The following SCAPER variants were observed in gnomAD, a reference collection of about 807,000 sequenced individuals.
The protein encoded by SCAPER is S phase cyclin A-associated protein in the endoplasmic reticulum.
A neutral mutation model predicts 182.2 loss-of-function variants in SCAPER; 98 were observed. The ratio of observed to expected loss-of-function variants is 0.54; its 90% confidence interval spans 0.46 to 0.64. The LOEUF (loss-of-function observed/expected upper bound fraction) is 0.64. Among genes scored for constraint, SCAPER ranks in the 30% least tolerant of loss-of-function variants. The probability of loss-of-function intolerance (pLI) is 0.00; values close to 1 mark genes in which losing one functional copy is unlikely to be tolerated. For missense variants in SCAPER, 1,432 were observed against 1,690.0 expected (o/e 0.85, Z 2.68); for synonymous variants, 605 against 564.6 (o/e 1.07, Z -1.01).
At position 76,603,029 on chromosome 15, in the gene SCAPER, TTTAC is replaced by T. The variant is rs2050042248; in HGVS notation, c.2711+18731_2711+18734del. On this transcript the variant is annotated intron_variant, in intron 22 of 31. Transcript: ENST00000563290. ...CAATAGTTTTTATTTTATTTATTTA[TTTAC>T]TTAATTTTATTATTATTATACTTTA... is the stretch of plus-strand genomic sequence containing the variant. Among the ~76,000 whole-genome samples, 2 of 116,638 alleles carry T rather than the reference TTTAC, an allele frequency of 1.7e-5. 1 individual carries two copies. Among genetic ancestry groups the T allele is most frequent in the Non-Finnish European group, 4.1e-5 (2 of 48,314 alleles). 76.5% of individuals were successfully genotyped at this position (116,638 alleles called of 152,430 possible).
At chr15:76,569,933 A>G (rs2047318833) in intron 23 of SCAPER, among the ~76,000 whole-genome samples, 1 of 152,128 alleles carries the variant, frequency 6.6e-6, no homozygotes, top group Admixed American at 6.6e-5. Context: ...ATAGTTCTGG[A>G]GCATCTGTAG....
intron 20 of SCAPER, among the ~76,000 whole-genome samples, chr15:76,682,491 C>A (rs1466179788): frequency 6.6e-6 from 1 of 152,188 alleles, no homozygotes; most frequent in Non-Finnish European, 1.5e-5. Flanking sequence ...CCCACCCCTG[C>A]TGGCACAAGC....
chr15:76,410,103 C>T (rs932065230), intron 26 of SCAPER, among the ~76,000 whole-genome samples: 5 of 151,970 alleles, frequency 3.3e-5, no homozygotes, highest in African/African-American at 1.2e-4. Flanking sequence ...TACTTCTTTT[C>T]TGAACTTCTT....
At chr15:76,364,696 C>G (rs2041689739) in intron 29 of SCAPER, among the ~76,000 whole-genome samples, 1 of 152,108 alleles carries the variant, frequency 6.6e-6, no homozygotes, top group Non-Finnish European at 1.5e-5. Flanking sequence ...ACCAGGGATG[C>G]TTGTTTACAG....
chr15:76,457,069 T>C (rs1018904322), intron 25 of SCAPER, among the ~76,000 whole-genome samples: 50 of 151,202 alleles, frequency 3.3e-4, no homozygotes, highest in African/African-American at 1.2e-3. Flanking sequence ...TTACACACTT[T>C]TTTTTTTTTT....
At chr15:76,619,373 A>G (rs2051804651) in intron 22 of SCAPER, among the ~76,000 whole-genome samples, 1 of 152,200 alleles carries the variant, frequency 6.6e-6, no homozygotes, top group Non-Finnish European at 1.5e-5. Context: ...AGCTATTATT[A>G]CAATTAAAAT....
intron 15 of SCAPER, among the ~76,000 whole-genome samples, chr15:76,753,514 A>G (rs1406380709): frequency 6.6e-6 from 1 of 151,942 alleles, no homozygotes; most frequent in Non-Finnish European, 1.5e-5. Context: ...CATTGTACTG[A>G]TAGTTTCAAG....
intron 23 of SCAPER, among the ~76,000 whole-genome samples, chr15:76,520,671 G>A (rs900759589): frequency 3.3e-5 from 5 of 151,908 alleles, no homozygotes; most frequent in Non-Finnish European, 1.5e-5. Flanking sequence ...TGCAAGAACT[G>A]TCTCATATCA....
chr15:76,767,127 T>C, intron 10 of SCAPER, 39 bp from the exon 11 acceptor site: 1 of 1,495,468 alleles, frequency 6.7e-7, no homozygotes. Flanking sequence ...AGAAAAATGA[T>C]CACTTGACTG....
rs114145330 is a variant in SCAPER, at chr15:76,727,839, C to T, written c.2165+756G>A. Among the ~76,000 whole-genome samples the T allele has an allele frequency of 9.0e-3, 1,367 of 151,376 alleles. 21 individuals carry two copies. The highest frequency in any genetic ancestry group is 0.032 in the African/African-American group (1,327 of 41,296). ...AGACTTAGTATCTAGTAAAGATAATCCCTAAACATCAATAAGAAAAAAAAG... is the reference window on the plus strand; with the variant it reads ...AGACTTAGTATCTAGTAAAGATAATTCCTAAACATCAATAAGAAAAAAAAG... On this transcript the variant is annotated intron_variant, in intron 17 of 31. Transcript: ENST00000563290.
At chr15:76,862,329 TG>T (rs2071943603) in intron 3 of SCAPER, 86 bp downstream of exon 3, 1 of 775,106 alleles carries the variant, frequency 1.3e-6, no homozygotes, top group Admixed American at 2.6e-5. Context: ...GAAGTCTAAT[TG>T]CAAACAGTTT....
At chr15:76,800,479 A>G (rs1195008766) in intron 6 of SCAPER, 115 bp from the exon 7 acceptor site, 26 of 693,466 alleles carry the variant, frequency 3.7e-5, no homozygotes, top group Non-Finnish European at 5.0e-5. Flanking sequence ...AACAACAACA[A>G]CAAAAAGTCA....
chr15:76,568,222 T>TAC (rs2047186082), intron 23 of SCAPER, among the ~76,000 whole-genome samples: 1 of 127,264 alleles, frequency 7.9e-6, no homozygotes, highest in African/African-American at 2.7e-5. Flanking sequence ...TATATATATA[T>TAC]ATACAAATGG....
At chr15:76,771,559 C>T (rs887770026) in intron 10 of SCAPER, among the ~76,000 whole-genome samples, 183 bp downstream of exon 10, 11 of 151,904 alleles carry the variant, frequency 7.2e-5, no homozygotes, top group African/African-American at 2.4e-4. Context: ...CTTTCTTCCT[C>T]TAAAAAATAA....
chr15:76,720,499 A>G (rs961766798), intron 17 of SCAPER, among the ~76,000 whole-genome samples: 16 of 152,296 alleles, frequency 1.1e-4, no homozygotes, highest in East Asian at 5.8e-4. Context: ...CTGAGGAATC[A>G]CCACACTGAC....
intron 1 of SCAPER, among the ~76,000 whole-genome samples, chr15:76,894,272 A>G (rs2074311886): frequency 6.6e-6 from 1 of 151,928 alleles, no homozygotes; most frequent in African/African-American, 2.4e-5. Context: ...AGACACAGAC[A>G]GATCTCAGCC....
intron 2 of SCAPER, among the ~76,000 whole-genome samples, chr15:76,867,664 T>C (rs1443508531): frequency 6.6e-6 from 1 of 152,228 alleles, no homozygotes; most frequent in African/African-American, 2.4e-5. Context: ...TTACCGAGTC[T>C]ATCTCCTAAA....
intron 23 of SCAPER, among the ~76,000 whole-genome samples, chr15:76,524,726 T>C (rs1377909631): frequency 6.9e-6 from 1 of 144,340 alleles, no homozygotes; most frequent in Middle Eastern, 3.5e-3. Flanking sequence ...TTACCATTCA[T>C]GTAAAGACTT....
At chr15:76,804,687 T>C in intron 5 of SCAPER, 54 bp from the exon 6 acceptor site, 2 of 1,177,954 alleles carry the variant, frequency 1.7e-6, no homozygotes, top group Non-Finnish European at 1.2e-6. Context: ...CTAAAAACTT[T>C]GAAGAAAAAA....
Sources: allele counts gnomAD v4.1 joint callset (sites outside exome capture counted in the v4.1 genomes callset), GRCh38; gene constraint gnomAD v4.1.1; transcripts MANE v1.5; gene names NCBI Gene and HGNC (gene_info 2026-07-23, HGNC 2026-07-21).